Variants in MYO5B observed in about 807,000 individuals in gnomAD.
MYO5B encodes unconventional myosin-Vb.
In MYO5B, 143 loss-of-function variants were observed where a neutral mutation model predicts 229.3. The ratio of observed to expected loss-of-function variants is 0.62; its 90% CI spans 0.54 to 0.72. The LOEUF is 0.72. MYO5B is among the 30% of genes least tolerant of loss of function. The pLI, the probability that MYO5B is intolerant of heterozygous loss-of-function variation, is 0.00. For synonymous variants in MYO5B, 918 were observed against 885.2 expected (o/e 1.04, Z -0.66); for missense variants, 2,321 against 2,331.0 (o/e 1.00, Z 0.09).
rs1277450329 is a variant in MYO5B, at chr18:49,936,253, G to C, written c.2002C>G (p.His668Asp). ...IKPNDEKLPF[H>D]FDPKRAVQQL... ...GGCTAATGCCCAGCAGGCACTTACT[G>C]AAAGGGGAGCTTCTCATCGTTGGGC... Residue 668 changes from histidine to aspartate, a missense_variant and splice_region_variant, in exon 16 of 40, where the codon CAC (histidine) becomes GAC (aspartate). His to Asp is a moderately conservative substitution (Grantham distance 81, BLOSUM62 -1). Coordinates refer to ENST00000285039, the MANE Select transcript of MYO5B (RefSeq NM_001080467.3). 1 of 1,590,744 alleles carries C rather than the reference G, an allele frequency of 6.3e-7. No individual in the cohort carries two copies. The highest frequency in any genetic ancestry group is 2.3e-5 in the East Asian group (1 of 44,212).
At chr18:49,840,794 G>T (rs1208636133) in intron 35 of MYO5B, among the ~76,000 whole-genome samples, 1 of 152,200 alleles carries the variant, frequency 6.6e-6, no homozygotes, top group Admixed American at 6.5e-5. Context: ...TTACAGGTCC[G>T]GTGTGGATTG....
intron 1 of MYO5B, among the ~76,000 whole-genome samples, chr18:50,160,959 A>T (rs73430387): frequency 0.019 from 2,946 of 152,088 alleles, 88 homozygotes; most frequent in African/African-American, 0.068. Context: ...CTCCCACGTT[A>T]ATTTCCCAAC....
intron 4 of MYO5B, among the ~76,000 whole-genome samples, chr18:50,004,657 A>G (rs1243649857): frequency 1.3e-5 from 2 of 152,128 alleles, no homozygotes; most frequent in Non-Finnish European, 2.9e-5. Context: ...AGTCCCAGGT[A>G]CTCAGGAGGC....
chr18:49,993,519 T>A (rs1425153836), intron 5 of MYO5B, among the ~76,000 whole-genome samples: 1 of 151,978 alleles, frequency 6.6e-6, no homozygotes. Flanking sequence ...CTGAGATGAG[T>A]ACAGGGAGGC....
chr18:49,986,845 G>T (rs1239010624), intron 7 of MYO5B, among the ~76,000 whole-genome samples: 1 of 152,062 alleles, frequency 6.6e-6, no homozygotes, highest in Non-Finnish European at 1.5e-5. Context: ...GGGGTTTAAG[G>T]GGTGCCCAGG....
chr18:50,122,974 A>G (rs745933691), intron 1 of MYO5B, among the ~76,000 whole-genome samples: 5 of 152,182 alleles, frequency 3.3e-5, no homozygotes, highest in Non-Finnish European at 5.9e-5. Flanking sequence ...CATGCTATAT[A>G]CCCAAAATAA....
chr18:50,161,143 G>A (rs2032758940), intron 1 of MYO5B, among the ~76,000 whole-genome samples: 2 of 152,184 alleles, frequency 1.3e-5, no homozygotes, highest in Admixed American at 1.3e-4. Context: ...GGACAATTCA[G>A]GAGCCCACGG....
intron 39 of MYO5B, among the ~76,000 whole-genome samples, chr18:49,830,768 G>A (rs2023906603): frequency 1.3e-5 from 2 of 150,364 alleles, no homozygotes; most frequent in Non-Finnish European, 1.5e-5. Context: ...GGGAGGCGGA[G>A]GTTGCAGTGA....
chr18:49,876,530 A>T (rs1355775832), intron 25 of MYO5B, among the ~76,000 whole-genome samples: 1 of 152,244 alleles, frequency 6.6e-6, no homozygotes, highest in African/African-American at 2.4e-5. Flanking sequence ...ACCAGGATTT[A>T]ATAAGCACTG....
chr18:50,100,620 C>G (rs1007280764), intron 1 of MYO5B, among the ~76,000 whole-genome samples: 1 of 152,180 alleles, frequency 6.6e-6, no homozygotes, highest in Non-Finnish European at 1.5e-5. Context: ...CAAGACATTA[C>G]CTGGTACTAG....
At chr18:50,159,851 C>T (rs934234139) in intron 1 of MYO5B, among the ~76,000 whole-genome samples, 3 of 152,228 alleles carry the variant, frequency 2.0e-5, no homozygotes, top group African/African-American at 4.8e-5. Flanking sequence ...CCGTGTGGCA[C>T]TGCCTGTGCT....
intron 9 of MYO5B, among the ~76,000 whole-genome samples, chr18:49,974,990 G>A (rs2025734337): frequency 6.6e-6 from 1 of 152,164 alleles, no homozygotes; most frequent in South Asian, 2.1e-4. Context: ...TAAGAGGCAG[G>A]TCCTGGAGTG....
At chr18:50,032,025 G>C (rs531712400) in intron 4 of MYO5B, among the ~76,000 whole-genome samples, 8 of 152,266 alleles carry the variant, frequency 5.3e-5, no homozygotes, top group African/African-American at 1.9e-4. Context: ...TGTGTTAATA[G>C]AATACATTTC....
chr18:49,982,744 G>T (rs1342032621), intron 8 of MYO5B, among the ~76,000 whole-genome samples: 1 of 152,042 alleles, frequency 6.6e-6, no homozygotes, highest in African/African-American at 2.4e-5. Context: ...AAACTGTATG[G>T]CCCACAAAAC....
chr18:49,922,967 G>T (rs201448346), intron 17 of MYO5B, among the ~76,000 whole-genome samples: 11 of 152,136 alleles, frequency 7.2e-5, no homozygotes, highest in Admixed American at 4.6e-4. Flanking sequence ...TTTCCACGTG[G>T]GTCTAAAGAC....
At chr18:50,025,655 C>G (rs370783079) in intron 4 of MYO5B, among the ~76,000 whole-genome samples, 177 of 152,312 alleles carry the variant, frequency 1.2e-3, no homozygotes, top group African/African-American at 3.8e-3. Flanking sequence ...TTAACCCAGC[C>G]TAGACAGATG....
At chr18:49,953,205 T>C (rs769712629) in intron 14 of MYO5B, 55 bp downstream of exon 14, 6 of 1,533,970 alleles carry the variant, frequency 3.9e-6, no homozygotes, top group Non-Finnish European at 5.4e-6. Context: ...CCACTCCCTG[T>C]CCAGCACTGG....
At chr18:49,994,988 C>T (rs564152613) in intron 5 of MYO5B, among the ~76,000 whole-genome samples, 17 of 152,146 alleles carry the variant, frequency 1.1e-4, no homozygotes, top group African/African-American at 2.7e-4. Context: ...ACCATACTTA[C>T]GGGAAAACTT....
chr18:49,972,895 C>A (rs1213509886), intron 10 of MYO5B, among the ~76,000 whole-genome samples: 3 of 152,066 alleles, frequency 2.0e-5, no homozygotes, highest in African/African-American at 7.2e-5. Context: ...TGATTCTCCA[C>A]TGTGTGCTCC....
Sources: gnomAD v4.1 joint callset for allele counts (sites outside exome capture counted in the v4.1 genomes callset) on GRCh38, gnomAD v4.1.1 for gene constraint, MANE v1.5 for transcripts, NCBI Gene and HGNC (gene_info 2026-07-23, HGNC 2026-07-21) for gene names.